SHROOM3: variants seen among roughly 807,000 people sequenced by gnomAD.
The protein encoded by SHROOM3 is protein Shroom3.
SHROOM3 carries 47 observed loss-of-function variants against 138.6 expected under a neutral mutation model. The ratio of observed to expected loss-of-function variants is 0.34; its 90% CI spans 0.27 to 0.43. The LOEUF (loss-of-function observed/expected upper bound fraction) is 0.43, where lower values mean the gene tolerates loss of function less well. Ranked by LOEUF, SHROOM3 falls within the 20% of genes least tolerant of loss-of-function variation. The pLI is 1.00. For missense variants in SHROOM3, 2,491 were observed against 2,596.5 expected (o/e 0.96, Z 0.88); for synonymous variants, 1,062 against 1,063.3 (o/e 1.00, Z 0.02).
At chr4:76,766,616 C>T (rs1396004707) in intron 9 of SHROOM3, among the ~76,000 whole-genome samples, 2 of 152,322 alleles carry the variant, frequency 1.3e-5, no homozygotes, top group Non-Finnish European at 2.9e-5. Context: ...CTCCCTCCCC[C>T]GGTGAGTTAT....
intron 2 of SHROOM3, chr4:76,688,961 C>CTTT (rs71212442): frequency 1.3e-3 from 1,088 of 831,818 alleles, no homozygotes; most frequent in East Asian, 2.2e-3. Context: ...GTAATGCGAG[C>CTTT]TTTTTTTTTT....
intron 2 of SHROOM3, among the ~76,000 whole-genome samples, chr4:76,633,533 G>T (rs543616405): frequency 6.6e-6 from 1 of 151,232 alleles, no homozygotes; most frequent in African/African-American, 2.4e-5. Flanking sequence ...GCGGGCGCCT[G>T]TAAGTCCCAG....
intron 1 of SHROOM3, among the ~76,000 whole-genome samples, chr4:76,527,562 CGTTTCAGGAGT>C (rs1253939112): frequency 2.0e-5 from 3 of 152,128 alleles, no homozygotes; most frequent in Non-Finnish European, 4.4e-5. Context: ...CAGCCTGTAA[CGTTTCAGGAGT>C]GCTTTTTGTT....
intron 2 of SHROOM3, among the ~76,000 whole-genome samples, chr4:76,653,457 T>A (rs996646478): frequency 6.6e-6 from 1 of 151,844 alleles, no homozygotes; most frequent in African/African-American, 2.4e-5. Context: ...TTGCCCCTGG[T>A]TGAGAACCAG....
intron 5 of SHROOM3, among the ~76,000 whole-genome samples, chr4:76,748,478 G>T (rs1721514866): frequency 6.6e-6 from 1 of 152,026 alleles, no homozygotes; most frequent in East Asian, 1.9e-4. Flanking sequence ...CCCTGAAAAG[G>T]CCCCAGAGTT....
intron 1 of SHROOM3, among the ~76,000 whole-genome samples, chr4:76,461,282 G>A (rs944926158): frequency 1.3e-5 from 2 of 152,142 alleles, no homozygotes; most frequent in African/African-American, 2.4e-5. Flanking sequence ...GCAATTGTGA[G>A]TCTAGTAGTA....
At chr4:76,738,545 T>C (rs987273754) in intron 4 of SHROOM3, among the ~76,000 whole-genome samples, 3 of 152,032 alleles carry the variant, frequency 2.0e-5, no homozygotes, top group African/African-American at 7.2e-5. Flanking sequence ...CTAGCCTGGG[T>C]GATTAATTAG....
intron 2 of SHROOM3, among the ~76,000 whole-genome samples, chr4:76,629,791 T>C (rs1296174429): frequency 6.6e-6 from 1 of 152,160 alleles, no homozygotes; most frequent in Non-Finnish European, 1.5e-5. Context: ...AGATAAGAAG[T>C]GAAACAGGCA....
intron 1 of SHROOM3, among the ~76,000 whole-genome samples, chr4:76,492,940 G>A: frequency 6.6e-6 from 1 of 152,150 alleles, no homozygotes; most frequent in East Asian, 1.9e-4. Flanking sequence ...AGATGATGCA[G>A]TTGGGCACGG....
intron 2 of SHROOM3, among the ~76,000 whole-genome samples, chr4:76,696,619 A>G (rs1719742856): frequency 6.6e-6 from 1 of 151,992 alleles, no homozygotes; most frequent in Non-Finnish European, 1.5e-5. Flanking sequence ...GACCTGCCAA[A>G]CTCCTCCCTG....
chr4:76,593,123 C>T (rs1734308342), intron 2 of SHROOM3, among the ~76,000 whole-genome samples: 1 of 152,158 alleles, frequency 6.6e-6, no homozygotes, highest in Non-Finnish European at 1.5e-5. Flanking sequence ...GATATTCTTG[C>T]TCTAGAACCA....
intron 2 of SHROOM3, among the ~76,000 whole-genome samples, chr4:76,686,863 G>T (rs923901362): frequency 6.6e-5 from 10 of 152,202 alleles, no homozygotes; most frequent in Admixed American, 5.9e-4. Flanking sequence ...TGCCAGTGTT[G>T]TGGGTTCTGT....
At chr4:76,631,383 A>AT (rs1013512233) in intron 2 of SHROOM3, among the ~76,000 whole-genome samples, 9 of 149,180 alleles carry the variant, frequency 6.0e-5, no homozygotes, top group African/African-American at 9.8e-5. Flanking sequence ...AATTTTTTGT[A>AT]TTTTTTTTTA....
In SHROOM3 at chr4:76,740,639, G is replaced by T. The variant is rs367657408; in HGVS notation, c.2466G>T (p.Gly822=). ...HRTVSTSSTS[G]NDFEETKAHI... ...CCGTCTCAACTTCCAGTACTTCTGGGAATGACTTCGAGGAGACAAAAGCAC... is the reference window on the plus strand; with the variant it reads ...CCGTCTCAACTTCCAGTACTTCTGGTAATGACTTCGAGGAGACAAAAGCAC... The change falls in exon 5 of 11, where the codon GGG becomes GGT. Residue 822 remains glycine, a synonymous_variant. Coordinates refer to ENST00000296043, the MANE Select transcript of SHROOM3 (RefSeq NM_020859.4). This position sits in a 1 kb window ranked among gnomAD's most constrained non-coding sequence, Gnocchi z 4.0. The T allele has an allele frequency of 6.2e-7, 1 of 1,614,052 alleles. No homozygotes were observed. Among genetic ancestry groups the T allele is most frequent in the African/African-American group, 1.3e-5 (1 of 74,940 alleles).
intron 1 of SHROOM3, among the ~76,000 whole-genome samples, chr4:76,452,017 T>A (rs1730936891): frequency 6.6e-6 from 1 of 152,084 alleles, no homozygotes; most frequent in South Asian, 2.1e-4. Context: ...AAATTTTAAA[T>A]CAGTGAGGGC....
At position 76,702,605 on chromosome 4, in the gene SHROOM3, C is replaced by G. The variant is rs931623335; in HGVS notation, c.324-7551C>G. 3.3e-5 allele frequency among the ~76,000 whole-genome samples: 5 copies of G among 152,256 alleles called. No individual in the cohort carries two copies. The East Asian group carries it at 9.6e-4, about 29-fold the overall frequency. Reference sequence around the variant, plus strand: ...GAACAGGACCCCAGGCAGCTGGCTCCGGAATCCACATCGTCCATATACATT... The same window carrying G: ...GAACAGGACCCCAGGCAGCTGGCTCGGGAATCCACATCGTCCATATACATT... On this transcript the variant is annotated intron_variant, in intron 2 of 10. Transcript: ENST00000296043.
intron 2 of SHROOM3, among the ~76,000 whole-genome samples, chr4:76,605,007 C>A (rs1217174433): frequency 2.6e-5 from 4 of 152,090 alleles, no homozygotes; most frequent in African/African-American, 9.7e-5. Context: ...GGTGCATGCA[C>A]CTTTGATATA....
intron 9 of SHROOM3, among the ~76,000 whole-genome samples, chr4:76,770,324 CAAAAAAA>C (rs529468839): frequency 0.057 from 2,051 of 35,900 alleles, 35 homozygotes; most frequent in African/African-American, 0.16. Context: ...AACTCTGTCT[CAAAAAAA>C]AAAAAAAAAA....
chr4:76,665,975 G>T (rs375272056), intron 2 of SHROOM3, among the ~76,000 whole-genome samples: 13 of 152,120 alleles, frequency 8.5e-5, no homozygotes, highest in African/African-American at 2.7e-4. Context: ...GCATACTACA[G>T]AAATCTTTAA....
Sources: gnomAD v4.1 joint callset for allele counts (sites outside exome capture counted in the v4.1 genomes callset) on GRCh38, gnomAD v4.1.1 for gene constraint, Gnocchi (gnomAD v3.1) non-coding constraint, MANE v1.5 for transcripts, NCBI Gene and HGNC (gene_info 2026-07-23, HGNC 2026-07-21) for gene names.